The following MYMK variants were observed in gnomAD, a reference collection of about 807,000 sequenced individuals.
The protein encoded by MYMK is protein myomaker.
Under a neutral mutation model 22.4 loss-of-function variants are expected in MYMK, and 16 were observed. The ratio of observed to expected loss-of-function variants is 0.72; its 90% CI spans 0.48 to 1.09. The LOEUF (loss-of-function observed/expected upper bound fraction) is 1.09. Ranked by LOEUF, MYMK falls within the 50% of genes least tolerant of loss-of-function variation. The pLI is 0.00. For synonymous variants in MYMK, 125 were observed against 127.0 expected (o/e 0.98, Z 0.11); for missense variants, 250 against 295.6 (o/e 0.85, Z 1.13).
intron 3 of MYMK, among the ~76,000 whole-genome samples, chr9:133,517,132 G>T (rs1844641424): frequency 6.6e-6 from 1 of 152,192 alleles, no homozygotes; most frequent in Non-Finnish European, 1.5e-5. Flanking sequence ...GCCCAGTTCA[G>T]ACCTGGCCAA....
chr9:133,524,923 A>G lies in MYMK; in HGVS notation c.-79T>C. 1 of 1,502,242 alleles carries G rather than the reference A, an allele frequency of 6.7e-7. No homozygotes were observed. The highest frequency in any genetic ancestry group is 8.9e-7 in the Non-Finnish European group (1 of 1,121,980). 93.1% of individuals were successfully genotyped at this position (1,502,242 alleles called of 1,614,324 possible). ...CCCAGCACAGGAGCACGAAGTGGGA[A>G]GGCCAGCTCCCTTTGGGCAGGGCTC... On this transcript the variant is annotated 5_prime_UTR_variant, in exon 1 of 5. Transcript: ENST00000339996.
In MYMK at chr9:133,524,705, C is replaced by T; in HGVS notation, c.135+5G>A. On this transcript the variant is annotated splice_donor_5th_base_variant and intron_variant, in intron 1 of 4. Coordinates refer to ENST00000339996, the MANE Select transcript of MYMK (RefSeq NM_001080483.3). ...GTGGGACTTCCTCCCAGCCCCCAGA[C>T]TCACCGCCACGAAGAACAGGGTGAA... The T allele has an allele frequency of 6.2e-7, 1 of 1,614,184 alleles. No homozygotes were observed. The highest frequency in any genetic ancestry group is 2.2e-5 in the East Asian group (1 of 44,872).
Position 133,515,659 on chromosome 9 carries a change from C to T in MYMK, c.400-52G>A, listed in dbSNP as rs376860251. ...GCTTTTAGGTCACAGCACTGGGGAACGCCCCTCCCCAAACCAGCCCGAGAG... is the reference window on the plus strand; with the variant it reads ...GCTTTTAGGTCACAGCACTGGGGAATGCCCCTCCCCAAACCAGCCCGAGAG... On this transcript the variant is annotated intron_variant, in intron 3 of 4. Coordinates refer to ENST00000339996, the MANE Select transcript of MYMK (RefSeq NM_001080483.3). This position sits in a 1 kb window ranked among gnomAD's most constrained non-coding sequence, Gnocchi z 5.8. 42 of 1,265,026 alleles carry T rather than the reference C, an allele frequency of 3.3e-5. 1 individual carries two copies. The highest frequency in any genetic ancestry group is 4.2e-5 in the Non-Finnish European group (36 of 866,394). 78.4% of individuals were successfully genotyped at this position (1,265,026 alleles called of 1,614,324 possible).
At position 133,524,808 on chromosome 9, in the gene MYMK, G is replaced by C. The variant is rs748260018; in HGVS notation, c.37C>G (p.Leu13Val). 8 of 1,613,706 alleles carry C rather than the reference G, an allele frequency of 5.0e-6. No homozygotes were observed. Among genetic ancestry groups the C allele is most frequent in the South Asian group, 1.1e-5 (1 of 91,052 alleles). Residue 13 changes from leucine to valine, a missense_variant, in exon 1 of 5, where the codon CTC becomes GTC. Leu to Val is a conservative substitution (Grantham distance 32). Transcript: ENST00000339996. ...GTGGGGAGGAAGGCCAGGCTGCTGA[G>C]GGTGGGCAGGAGCAGCTTGGCCACC... is the stretch of plus-strand genomic sequence containing the variant. ...TLVAKLLLPT[L>V]SSLAFLPTVS...
At chr9:133,520,053 C>A (rs1412419871) in intron 2 of MYMK, 121 bp downstream of exon 2, 2 of 693,916 alleles carry the variant, frequency 2.9e-6, no homozygotes, top group Non-Finnish European at 5.1e-6. Flanking sequence ...GGAAGACATT[C>A]CTGGGGCTGG....
chr9:133,522,344 G>GGTGC (rs774200527), intron 1 of MYMK, among the ~76,000 whole-genome samples: 1 of 45,256 alleles, frequency 2.2e-5, no homozygotes, highest in South Asian at 1.1e-3. Flanking sequence ...AGTGGCTGTC[G>GGTGC]GGGGGGGGCC....
chr9:133,522,408 C>G (rs1055579158), intron 1 of MYMK, among the ~76,000 whole-genome samples: 1 of 152,052 alleles, frequency 6.6e-6, no homozygotes, highest in Admixed American at 6.5e-5. Context: ...GCACCCATAG[C>G]AAGGTGTCCG....
Position 133,520,194 on chromosome 9 carries a change from C to T in MYMK, c.230G>A (p.Ser77Asn), listed in dbSNP as rs1435757412. ...CTCACCCATCAGCGAGACCCACATGCTCAGGGCTGTCCCGTAGACACTGAA... is the reference window on the plus strand; with the variant it reads ...CTCACCCATCAGCGAGACCCACATGTTCAGGGCTGTCCCGTAGACACTGAA... ...EYFSVYGTAL[S>N]MWVSLMALAD... Residue 77 changes from serine to asparagine, a missense_variant, in exon 2 of 5, where the codon AGC (serine) becomes AAC (asparagine). Ser to Asn is a conservative substitution (Grantham distance 46). Coordinates refer to ENST00000339996, the MANE Select transcript of MYMK (RefSeq NM_001080483.3). 1 of 1,614,086 alleles carries T rather than the reference C, an allele frequency of 6.2e-7. No individual in the cohort carries two copies.
rs555225846 is a variant in MYMK at position 133,519,591 on chromosome 9, A to G, written c.251-569T>C. On this transcript the variant is annotated intron_variant, in intron 2 of 4. Coordinates refer to ENST00000339996, the MANE Select transcript of MYMK (RefSeq NM_001080483.3). Reference sequence around the variant, plus strand: ...TCAATAATCACTATGCAAAGTGAATAGGATCGAATCTATCCCATAGGATCA... The same window carrying G: ...TCAATAATCACTATGCAAAGTGAATGGGATCGAATCTATCCCATAGGATCA... 9.2e-5 allele frequency among the ~76,000 whole-genome samples: 14 copies of G among 152,338 alleles called. No individual in the cohort carries two copies. In the East Asian group the frequency reaches 2.5e-3, roughly 27 times the overall value.
intron 1 of MYMK, among the ~76,000 whole-genome samples, chr9:133,521,275 T>A (rs909381013): frequency 1.3e-5 from 2 of 152,230 alleles, no homozygotes; most frequent in African/African-American, 4.8e-5. Context: ...GACATAATTA[T>A]TTTGACAGGT....
At chr9:133,519,812 C>T (rs111465072) in intron 2 of MYMK, among the ~76,000 whole-genome samples, 353 of 152,268 alleles carry the variant, frequency 2.3e-3, no homozygotes, top group African/African-American at 8.0e-3. Context: ...GTTTGTATGA[C>T]AGTCTGGGAA....
At chr9:133,517,319 G>A (rs959556099) in intron 3 of MYMK, among the ~76,000 whole-genome samples, 1 of 152,158 alleles carries the variant, frequency 6.6e-6, no homozygotes, top group African/African-American at 2.4e-5. Context: ...CCCAGGATTA[G>A]TGCTGCTTCC....
At position 133,517,022 on chromosome 9, in the gene MYMK, C is replaced by T. The variant is rs114724483; in HGVS notation, c.400-1415G>A. On this transcript the variant is annotated intron_variant, in intron 3 of 4. Coordinates refer to ENST00000339996, the MANE Select transcript of MYMK (RefSeq NM_001080483.3). ...TGCGGGGAGGCGGGCAGCCCATCCT[C>T]GGCTCCTGTGGCTGGATCTGCAGCC... Among the ~76,000 whole-genome samples the T allele has an allele frequency of 3.8e-3, 585 of 152,250 alleles. 5 individuals carry two copies. Among genetic ancestry groups the T allele is most frequent in the African/African-American group, 0.013 (542 of 41,550 alleles).
At position 133,518,876 on chromosome 9, in the gene MYMK, A is replaced by G; in HGVS notation, c.397T>C (p.Trp133Arg). 6.2e-7 allele frequency: 1 copy of G among 1,611,856 alleles called. No individual in the cohort carries two copies. Among genetic ancestry groups the G allele is most frequent in the East Asian group, 2.2e-5 (1 of 44,854 alleles). The change falls in exon 3 of 5, where the codon TGG becomes CGG. Residue 133 changes from tryptophan to arginine, a missense_variant and splice_region_variant. Coordinates refer to ENST00000339996, the MANE Select transcript of MYMK (RefSeq NM_001080483.3). Reference sequence around the variant, plus strand: ...ATCGAGGCTCGCGCAGTACGCACCCACTTTGCCGCGATGATGAGGATGGCT... The same window carrying G: ...ATCGAGGCTCGCGCAGTACGCACCCGCTTTGCCGCGATGATGAGGATGGCT... ...GTAILIIAAK[W>R]LQKMKEKKGL... is the part of the protein sequence containing the mutation.
rs1019133801 is a variant in MYMK at position 133,515,352 on chromosome 9, T to TGAGCAGG, written c.516+132_516+138dup. ...CCGACATAGCCCTGGGAGGGGCTAG[T>TGAGCAGG]GAGCAGGGACTAATACCAGACTTTG... On this transcript the variant is annotated intron_variant, in intron 4 of 4. Transcript: ENST00000339996. The surrounding 1 kb of genome is among the most constrained non-coding windows in gnomAD (Gnocchi z 5.8). The TGAGCAGG allele has an allele frequency of 6.0e-6, 4 of 667,026 alleles. No individual in the cohort carries two copies. Among genetic ancestry groups the TGAGCAGG allele is most frequent in the Non-Finnish European group, 1.1e-5 (4 of 369,430 alleles). The allele number at this position is 667,026 out of a possible 1,614,324, so 41.3% of individuals were successfully genotyped here.
intron 1 of MYMK, among the ~76,000 whole-genome samples, chr9:133,522,648 G>C (rs1384493209): frequency 6.6e-6 from 1 of 152,212 alleles, no homozygotes; most frequent in African/African-American, 2.4e-5. Flanking sequence ...GGCCTGGTGG[G>C]TGCTTGTGGT....
rs552572438 is a variant in MYMK, at chr9:133,520,640, G to C, written c.136-352C>G. Among the ~76,000 whole-genome samples, 6 of 151,998 alleles carry C rather than the reference G, an allele frequency of 3.9e-5. 1 individual carries two copies. Among genetic ancestry groups the C allele is most frequent in the Non-Finnish European group, 7.4e-5 (5 of 68,004 alleles). ...CCCGCTTAGGTGGGGCGGTCTCCGG[G>C]AGGGACCCTACACGGCTCTCCCCGG... On this transcript the variant is annotated intron_variant, in intron 1 of 4. Coordinates refer to ENST00000339996, the MANE Select transcript of MYMK (RefSeq NM_001080483.3).
At chr9:133,516,846 T>C (rs1447811650) in intron 3 of MYMK, among the ~76,000 whole-genome samples, 4 of 152,090 alleles carry the variant, frequency 2.6e-5, no homozygotes, top group South Asian at 2.1e-4. Context: ...TCCCTCCTTC[T>C]TCCTCCCGGG....
chr9:133,517,666 CAAAAAAA>C (rs140245731), intron 3 of MYMK, among the ~76,000 whole-genome samples: 1 of 120,626 alleles, frequency 8.3e-6, no homozygotes, highest in Non-Finnish European at 1.7e-5. Flanking sequence ...AACTCCGTCT[CAAAAAAA>C]AAAAAAAAAA....
Sources: allele counts gnomAD v4.1 joint callset (sites outside exome capture counted in the v4.1 genomes callset), GRCh38; gene constraint gnomAD v4.1.1; non-coding constraint Gnocchi (gnomAD v3.1); transcripts MANE v1.5; gene names NCBI Gene and HGNC (gene_info 2026-07-23, HGNC 2026-07-21).